The following PMFBP1 variants were observed in gnomAD, a reference collection of about 807,000 sequenced individuals.
PMFBP1 encodes polyamine modulated factor 1 binding protein 1.
Under a neutral mutation model 137.8 loss-of-function variants are expected in PMFBP1, and 131 were observed. The observed-to-expected ratio is 0.95, with a 90% confidence interval of 0.82 to 1.10. The LOEUF (loss-of-function observed/expected upper bound fraction) is 1.10. Among genes scored for constraint, PMFBP1 ranks in the 50% least tolerant of loss-of-function variants. PMFBP1 has a pLI of 0.00. For synonymous variants in PMFBP1, 490 were observed against 450.4 expected, an observed-to-expected ratio of 1.09 and a Z score of -1.11; for missense variants, 1,199 against 1,175.4, an observed-to-expected ratio of 1.02 and a Z score of -0.29.
intron 12 of PMFBP1, among the ~76,000 whole-genome samples, chr16:72,129,474 C>A (rs2042515475): frequency 6.6e-6 from 1 of 152,212 alleles, no homozygotes; most frequent in Admixed American, 6.5e-5. Flanking sequence ...TTCTCTCCCA[C>A]TTTCTTACCA....
chr16:72,239,993 G>T, the PMFBP1 span, among the ~76,000 whole-genome samples: 1 of 151,622 alleles, frequency 6.6e-6, no homozygotes, highest in African/African-American at 2.4e-5. Flanking sequence ...ATATACTCGA[G>T]GGTTTAGGGG....
the PMFBP1 span, among the ~76,000 whole-genome samples, chr16:72,247,186 C>T: frequency 1.3e-5 from 2 of 152,202 alleles, no homozygotes; most frequent in Admixed American, 1.3e-4. Flanking sequence ...TTAAGGATCT[C>T]TGTCTAATGC....
At chr16:72,128,234 G>T in intron 14 of PMFBP1, 1 of 517,164 alleles carries the variant, frequency 1.9e-6, no homozygotes, top group Non-Finnish European at 3.0e-6. Flanking sequence ...CTTAGCATAT[G>T]TCAGATGCTA....
chr16:72,165,252 G>A (rs899254376), intron 2 of PMFBP1, among the ~76,000 whole-genome samples: 3 of 152,106 alleles, frequency 2.0e-5, no homozygotes, highest in Non-Finnish European at 4.4e-5. Context: ...TAATGGCTCT[G>A]CCACTGATGA....
At chr16:72,210,343 A>T in the PMFBP1 span, among the ~76,000 whole-genome samples, 1 of 152,234 alleles carries the variant, frequency 6.6e-6, no homozygotes, top group Admixed American at 6.5e-5. Context: ...TGAAGTGAAC[A>T]AGTTGGCATT....
chr16:72,119,511 G>A, intron 20 of PMFBP1, 157 bp from the exon 21 acceptor site: 1 of 1,516,110 alleles, frequency 6.6e-7, no homozygotes, highest in Non-Finnish European at 8.8e-7. Flanking sequence ...AGGCGGCTGT[G>A]GACCCAGGCT....
At chr16:72,123,754 A>C in intron 17 of PMFBP1, 105 bp from the exon 18 acceptor site, 1 of 1,027,232 alleles carries the variant, frequency 9.7e-7, no homozygotes, top group Non-Finnish European at 1.4e-6. Flanking sequence ...AGAAAACTTG[A>C]CTCTGCTGTC....
the PMFBP1 span, among the ~76,000 whole-genome samples, chr16:72,244,737 G>T: frequency 1.3e-5 from 2 of 152,218 alleles, no homozygotes; most frequent in Non-Finnish European, 2.9e-5. Flanking sequence ...AATGCTGGGA[G>T]AAATATTCTT....
At chr16:72,174,975 C>T (rs2043252475), upstream of PMFBP1, among the ~76,000 whole-genome samples, 2 of 152,146 alleles carry the variant, frequency 1.3e-5, no homozygotes, top group Admixed American at 1.3e-4. Flanking sequence ...ATGCTCCTCC[C>T]TGTTCCCCAT....
chr16:72,159,654 C>T (rs1420959310), intron 3 of PMFBP1, among the ~76,000 whole-genome samples: 2 of 152,142 alleles, frequency 1.3e-5, no homozygotes, highest in Admixed American at 6.5e-5. Flanking sequence ...TATTTGAGAC[C>T]AGTTAAATTT....
At chr16:72,177,475 G>A (rs1047322074), upstream of PMFBP1, among the ~76,000 whole-genome samples, 2 of 152,132 alleles carry the variant, frequency 1.3e-5, no homozygotes, top group Non-Finnish European at 2.9e-5. Context: ...CTCCCCAAAG[G>A]TAGAAGTGAT....
chr16:72,169,942 T>A (rs1319206131), intron 2 of PMFBP1, among the ~76,000 whole-genome samples: 1 of 152,140 alleles, frequency 6.6e-6, no homozygotes, highest in Non-Finnish European at 1.5e-5. Flanking sequence ...ACCCTGTAAG[T>A]ATACAGACTA....
rs751429448 is a variant in PMFBP1, at chr16:72,119,826, T to G, written c.3007+25A>C. 3 of 1,604,840 alleles carry G rather than the reference T, an allele frequency of 1.9e-6. No homozygotes were observed. The East Asian group carries it at 6.7e-5, about 36-fold the overall frequency. ...GATTTAAAGAAAAAAATCACACTTA[T>G]TTTTTTGACAAATGGCAGACGTACC... On this transcript the variant is annotated intron_variant, in intron 20 of 20. Coordinates refer to ENST00000237353, the MANE Select transcript of PMFBP1 (RefSeq NM_031293.3).
intron 14 of PMFBP1, among the ~76,000 whole-genome samples, chr16:72,126,498 G>T (rs201633719): frequency 6.6e-6 from 1 of 152,330 alleles, no homozygotes; most frequent in Admixed American, 6.5e-5. Flanking sequence ...CATGTCCTTT[G>T]TGTTTTATGC....
At chr16:72,243,967 C>A in the PMFBP1 span, among the ~76,000 whole-genome samples, 1 of 152,154 alleles carries the variant, frequency 6.6e-6, no homozygotes, top group Non-Finnish European at 1.5e-5. Context: ...TAACAAACAG[C>A]TCTAGAGATA....
upstream of PMFBP1, among the ~76,000 whole-genome samples, chr16:72,172,763 T>C (rs1468771514): frequency 2.0e-5 from 3 of 152,088 alleles, no homozygotes; most frequent in East Asian, 5.8e-4. Context: ...AAGCGTGCAA[T>C]AGTATTATGT....
At position 72,146,165 on chromosome 16, in the gene PMFBP1, G is replaced by C. The variant is rs148987296; in HGVS notation, c.636+4443C>G. ...ACCGAATCCAGCAGCACATCAAAAAGCTTATCTACCATGATCAAGTCGGCT... is the reference window on the plus strand; with the variant it reads ...ACCGAATCCAGCAGCACATCAAAAACCTTATCTACCATGATCAAGTCGGCT... On this transcript the variant is annotated intron_variant, in intron 5 of 20. Transcript: ENST00000237353. 5.9e-4 allele frequency among the ~76,000 whole-genome samples: 90 copies of C among 152,296 alleles called. 1 individual carries two copies. The East Asian group carries it at 0.013, about 22-fold the overall frequency.
At chr16:72,166,467 T>C (rs559974365) in intron 2 of PMFBP1, among the ~76,000 whole-genome samples, 8 of 152,354 alleles carry the variant, frequency 5.3e-5, no homozygotes, top group African/African-American at 1.9e-4. Context: ...CCAGTAGTTC[T>C]TTATGGCAGT....
At chr16:72,172,489 A>G (rs1478277285), upstream of PMFBP1, 1 of 149,362 alleles carries the variant, frequency 6.7e-6, no homozygotes. Flanking sequence ...GCAGAAAGGG[A>G]ACTTGGTGAA....
Sources: gnomAD v4.1 joint callset for allele counts (sites outside exome capture counted in the v4.1 genomes callset) on GRCh38, gnomAD v4.1.1 for gene constraint, MANE v1.5 for transcripts, NCBI Gene and HGNC (gene_info 2026-07-23, HGNC 2026-07-21) for gene names.